GMIP: variants seen among roughly 807,000 people sequenced by gnomAD.
GMIP encodes GEM-interacting protein.
A neutral mutation model predicts 105.3 loss-of-function variants in GMIP; 54 were observed. The observed-to-expected ratio is 0.51, with a 90% CI of 0.41 to 0.64. The LOEUF (loss-of-function observed/expected upper bound fraction) is 0.64. Among genes scored for constraint, GMIP ranks in the 30% least tolerant of loss-of-function variants. GMIP has a pLI of 0.00. For synonymous variants in GMIP, 541 were observed against 560.8 expected, an observed-to-expected ratio of 0.96 and a Z score of 0.50; for missense variants, 1,110 against 1,319.4, an observed-to-expected ratio of 0.84 and a Z score of 2.46.
chr19:19,630,292 G>C lies in GMIP; in HGVS notation c.2584C>G (p.Arg862Gly). The change falls in exon 21 of 21, where the codon CGT becomes GGT. Residue 862 changes from arginine to glycine, a missense_variant. By Grantham distance (125) the Arg-to-Gly change is moderately radical. Transcript: ENST00000203556. The surrounding 1 kb of genome is among the most constrained non-coding windows in gnomAD (Gnocchi z 4.8). ...PEDSLLGTQS[R>G]GHFSRQPVKY... ...ACTGGCTGGCGGCTGAAGTGGCCAC[G>C]AGACTGTGTCCCCAGGAGTGAGTCC... 1 of 1,548,330 alleles carries C rather than the reference G, an allele frequency of 6.5e-7. No individual in the cohort carries two copies.
In GMIP at chr19:19,638,473, C is replaced by A. The variant is rs562854468; in HGVS notation, c.547G>T (p.Ala183Ser). The A allele has an allele frequency of 1.2e-6, 2 of 1,613,802 alleles. No homozygotes were observed. Among genetic ancestry groups the A allele is most frequent in the East Asian group, 4.5e-5 (2 of 44,856 alleles). ...QKRDYYQPLA[A>S]KRTEIEKWRK... The stretch of plus-strand genomic sequence containing the variant: ...CACTTCTCAATCTCAGTCCGTTTGG[C>A]GGCGAGGGGCTGGCAAGGGTTGGGG... Residue 183 changes from alanine to serine, a missense_variant, in exon 8 of 21, where the codon GCC becomes TCC. This residue lies in a region of GMIP where 667 missense variants were observed against 773.2 expected (regional missense o/e 0.86). Transcript: ENST00000203556.
At chr19:19,636,831 C>A in intron 12 of GMIP, 35 bp from the exon 13 acceptor site, 1 of 1,579,134 alleles carries the variant, frequency 6.3e-7, no homozygotes. Context: ...TGGTCCCCTG[C>A]TCACAAACCC....
At chr19:19,633,051 T>C (rs1227553082) in intron 19 of GMIP, among the ~76,000 whole-genome samples, 1 of 150,844 alleles carries the variant, frequency 6.6e-6, no homozygotes, top group Non-Finnish European at 1.5e-5. Context: ...GTCATGTGTC[T>C]TACTCCACTT....
intron 1 of GMIP, chr19:19,643,033 G>A (rs985521152): frequency 3.9e-5 from 8 of 202,728 alleles, no homozygotes; most frequent in Non-Finnish European, 6.0e-5. Flanking sequence ...CATAAAGACC[G>A]AATGACACTC....
At chr19:19,643,280 C>T (rs1018364189) in intron 1 of GMIP, 1 of 471,408 alleles carries the variant, frequency 2.1e-6, no homozygotes, top group Non-Finnish European at 3.9e-6. Context: ...CCTTCCTGGG[C>T]CCCCTCCCCC....
At chr19:19,642,073 G>A in intron 2 of GMIP, 22 bp from the exon 3 acceptor site, 1 of 1,558,346 alleles carries the variant, frequency 6.4e-7, no homozygotes, top group Non-Finnish European at 8.8e-7. Flanking sequence ...AGGTGTGTCA[G>A]GATGCCACCT....
At position 19,629,947 on chromosome 19, in the gene GMIP, TA is replaced by T; in HGVS notation, c.*15del. ...TCACAATCTGGGCCTCTTCCTTATT[TA>T]AGGTGCCAGGGTGGTCAGAGATGGT... is the stretch of plus-strand genomic sequence containing the variant. On this transcript the variant is annotated 3_prime_UTR_variant, in exon 21 of 21. Coordinates refer to ENST00000203556, the MANE Select transcript of GMIP (RefSeq NM_016573.4). The T allele has an allele frequency of 6.2e-7, 1 of 1,602,004 alleles. No individual in the cohort carries two copies. Among genetic ancestry groups the T allele is most frequent in the Non-Finnish European group, 8.5e-7 (1 of 1,175,458 alleles).
At position 19,634,451 on chromosome 19, in the gene GMIP, T is replaced by C; in HGVS notation, c.2084+56A>G. On this transcript the variant is annotated intron_variant, in intron 18 of 20. Transcript: ENST00000203556. The surrounding 1 kb of genome is among the most constrained non-coding windows in gnomAD (Gnocchi z 6.1). ...GTCAGGGGTCAGCCAGGGAAGTTAG[T>C]AGTCGCATGTCCAGGGAAAAGGGTC... The C allele has an allele frequency of 7.0e-7, 1 of 1,425,068 alleles. No homozygotes were observed. Among genetic ancestry groups the C allele is most frequent in the Non-Finnish European group, 9.7e-7 (1 of 1,029,712 alleles). The allele number at this position is 1,425,068 out of a possible 1,614,324, so 88.3% of individuals were successfully genotyped here.
Position 19,637,075 on chromosome 19 carries a change from T to A in GMIP, c.1125-46A>T. 1 of 1,282,066 alleles carries A rather than the reference T, an allele frequency of 7.8e-7. No homozygotes were observed. Among genetic ancestry groups the A allele is most frequent in the East Asian group, 2.5e-5 (1 of 39,736 alleles). 79.4% of individuals were successfully genotyped at this position (1,282,066 alleles called of 1,614,324 possible). A position where few individuals can be genotyped will look rare whatever the true frequency, so the allele number is the denominator to read the frequency against. On this transcript the variant is annotated intron_variant, in intron 11 of 20. Coordinates refer to ENST00000203556, the MANE Select transcript of GMIP (RefSeq NM_016573.4). This position sits in a 1 kb window ranked among gnomAD's most constrained non-coding sequence, Gnocchi z 6.7. ...AGGTTTGAATCCCAGGAAACTGGCC[T>A]GGGGTGATGGCACCCAGGCATCATG...
Position 19,634,538 on chromosome 19 carries a change from T to A in GMIP, c.2053A>T (p.Thr685Ser). 1 of 1,611,788 alleles carries A rather than the reference T, an allele frequency of 6.2e-7. No individual in the cohort carries two copies. The highest frequency in any genetic ancestry group is 8.5e-7 in the Non-Finnish European group (1 of 1,179,436). ...AGATGGGCCACCAGGTGCCGCAGGG[T>A]GTTGTAGTTAGAGTCAGGCAGCTGT... ...LVQLPDSNYN[T>S]LRHLVAHLFR... Residue 685 changes from threonine to serine, a missense_variant, in exon 18 of 21, where the codon ACC (threonine) becomes TCC (serine). Coordinates refer to ENST00000203556, the MANE Select transcript of GMIP (RefSeq NM_016573.4). This position sits in a 1 kb window ranked among gnomAD's most constrained non-coding sequence, Gnocchi z 6.1.
At chr19:19,631,246 T>C (rs2061792563) in intron 19 of GMIP, among the ~76,000 whole-genome samples, 1 of 152,114 alleles carries the variant, frequency 6.6e-6, no homozygotes, top group African/African-American at 2.4e-5. Context: ...CATAGAGCAG[T>C]GTCATTCATT....
In GMIP at chr19:19,637,221, C is replaced by A; in HGVS notation, c.1124+144G>T. On this transcript the variant is annotated intron_variant, in intron 11 of 20. Transcript: ENST00000203556. This position sits in a 1 kb window ranked among gnomAD's most constrained non-coding sequence, Gnocchi z 6.7. Reference sequence around the variant, plus strand: ...CCCTAGGACTGGGACAACCCATTCACCCTCCTATGGCCCCCGAGAGCCTGG... The same window carrying A: ...CCCTAGGACTGGGACAACCCATTCAACCTCCTATGGCCCCCGAGAGCCTGG... 1.5e-6 allele frequency: 1 copy of A among 682,876 alleles called. No homozygotes were observed. The highest frequency in any genetic ancestry group is 3.0e-5 in the Admixed American group (1 of 33,824). 42.3% of individuals were successfully genotyped at this position (682,876 alleles called of 1,614,324 possible).
In GMIP at chr19:19,643,584, C is replaced by A; in HGVS notation, c.-55G>T. ...CCGGGATGGGGATGGGGTCGCGCGC[C>A]GGCGGGGCCGAGCCCCGATTTCCTG... On this transcript the variant is annotated 5_prime_UTR_variant, in exon 1 of 21. Coordinates refer to ENST00000203556, the MANE Select transcript of GMIP (RefSeq NM_016573.4). 2.0e-6 allele frequency: 3 copies of A among 1,469,882 alleles called. No individual in the cohort carries two copies. The East Asian group carries it at 8.1e-5, about 40-fold the overall frequency. The allele number at this position is 1,469,882 out of a possible 1,614,324, so 91.1% of individuals were successfully genotyped here.
rs767717683 is a variant in GMIP, at chr19:19,640,210, G to A, written c.430-18C>T. 11 of 1,590,294 alleles carry A rather than the reference G, an allele frequency of 6.9e-6. No individual in the cohort carries two copies. Among genetic ancestry groups the A allele is most frequent in the Non-Finnish European group, 9.5e-6 (11 of 1,158,782 alleles). ...ATGTGGCTCTGGGGAAGACAGAGTG[G>A]TGTAGGAGGATACTGAAGATCTGTG... On this transcript the variant is annotated intron_variant, in intron 6 of 20. Coordinates refer to ENST00000203556, the MANE Select transcript of GMIP (RefSeq NM_016573.4).
chr19:19,638,305 G>T lies in GMIP; in HGVS notation c.643C>A (p.Arg215Ser). The change falls in exon 9 of 21, where the codon CGC (arginine) becomes AGC (serine). Residue 215 changes from arginine (R) to serine (S), a missense_variant. Around this residue, in one of 3 missense-constraint regions of GMIP, gnomAD observed 667 missense variants for 773.2 expected, o/e 0.86. Transcript: ENST00000203556. ...RMNEAVQALR[R>S]AQLQYVQRSE... ...CGTTGCACATACTGCAGCTGGGCGCGCCGCAGTGCCTGCACCGCCTCATTC... is the reference window on the plus strand; with the variant it reads ...CGTTGCACATACTGCAGCTGGGCGCTCCGCAGTGCCTGCACCGCCTCATTC... The T allele has an allele frequency of 6.2e-7, 1 of 1,612,936 alleles. No homozygotes were observed. The highest frequency in any genetic ancestry group is 8.5e-7 in the Non-Finnish European group (1 of 1,179,984).
intron 2 of GMIP, 52 bp from the exon 3 acceptor site, chr19:19,642,103 C>A: frequency 7.9e-7 from 1 of 1,272,176 alleles, no homozygotes; most frequent in Non-Finnish European, 1.1e-6. Flanking sequence ...TCTGTCCTGC[C>A]AAGGGGTGCT....
chr19:19,639,439 G>A (rs2061894401), intron 7 of GMIP, among the ~76,000 whole-genome samples: 1 of 151,498 alleles, frequency 6.6e-6, no homozygotes, highest in Non-Finnish European at 1.5e-5. Context: ...TGCTCTCCCC[G>A]ACCCCTGAGT....
intron 7 of GMIP, 60 bp from the exon 8 acceptor site, chr19:19,638,542 A>ACATTCCTGCCCCTT (rs2061883873): frequency 1.5e-5 from 21 of 1,395,840 alleles, no homozygotes; most frequent in Admixed American, 5.3e-5. Context: ...AGAAGCAGCC[A>ACATTCCTGCCCCTT]CCCAGTCCTT....
rs1038587018 is a variant in GMIP at position 19,630,308 on chromosome 19, G to A, written c.2568C>T (p.Leu856=). ...AGTGGCCACGAGACTGTGTCCCCAG[G>A]AGTGAGTCCTCTGGGCCTTGGCTGG... ...EVSSQGPEDS[L]LGTQSRGHFS... is the part of the protein sequence containing the mutation. The change falls in exon 21 of 21, where the codon CTC becomes CTT. Residue 856 remains leucine (L), a synonymous_variant. Coordinates refer to ENST00000203556, the MANE Select transcript of GMIP (RefSeq NM_016573.4). The surrounding 1 kb of genome is among the most constrained non-coding windows in gnomAD (Gnocchi z 4.8). 8 of 1,543,564 alleles carry A rather than the reference G, an allele frequency of 5.2e-6. No individual in the cohort carries two copies. Among genetic ancestry groups the A allele is most frequent in the African/African-American group, 1.4e-5 (1 of 72,928 alleles).
Sources: gnomAD v4.1 joint callset for allele counts (sites outside exome capture counted in the v4.1 genomes callset) on GRCh38, gnomAD v4.1.1 for gene constraint, gnomAD v4.1.1 regional missense constraint, Gnocchi (gnomAD v3.1) non-coding constraint, MANE v1.5 for transcripts, NCBI Gene and HGNC (gene_info 2026-07-23, HGNC 2026-07-21) for gene names.